TRIO: variants seen among roughly 807,000 people sequenced by gnomAD.
The protein encoded by TRIO is trio Rho guanine nucleotide exchange factor, also known as triple functional domain protein.
Under a neutral mutation model 351.9 loss-of-function variants are expected in TRIO, and 58 were observed. The observed-to-expected ratio is 0.16, with a 90% CI of 0.13 to 0.21. The LOEUF (loss-of-function observed/expected upper bound fraction) is 0.21. Among genes scored for constraint, TRIO ranks in the 10% least tolerant of loss-of-function variants. TRIO has a pLI of 1.00. For missense variants in TRIO, 3,201 were observed against 4,027.8 expected (o/e 0.79, Z 5.56); for synonymous variants, 1,758 against 1,595.7 (o/e 1.10, Z -2.42).
At chr5:14,380,292 TCCTCCTTCGCGCCCCGCCTCCTCCTTC>T (rs1745965006) in intron 20 of TRIO, among the ~76,000 whole-genome samples, 1 of 114,766 alleles carries the variant, frequency 8.7e-6, no homozygotes, top group African/African-American at 5.6e-5. Flanking sequence ...GCGCCCCGCC[TCCTCCTTCGCGCCCCGCCTCCTCCTTC>T]GCGCCCCGCC....
At chr5:14,177,194 GATT>G (rs1025478483) in intron 1 of TRIO, among the ~76,000 whole-genome samples, 23 of 152,246 alleles carry the variant, frequency 1.5e-4, no homozygotes, top group African/African-American at 5.5e-4. Context: ...GTTGAAAACA[GATT>G]ATTATTTATG....
At chr5:14,409,073 T>C (rs1441610483) in intron 33 of TRIO, among the ~76,000 whole-genome samples, 1 of 152,028 alleles carries the variant, frequency 6.6e-6, no homozygotes, top group Non-Finnish European at 1.5e-5. Flanking sequence ...TCCAGTTCAT[T>C]ATTCCGGACA....
At chr5:14,284,995 CA>C (rs1736317609) in intron 3 of TRIO, among the ~76,000 whole-genome samples, 1 of 152,132 alleles carries the variant, frequency 6.6e-6, no homozygotes, top group African/African-American at 2.4e-5. Context: ...CGAGGGATTG[CA>C]AACCCCATTA....
intron 1 of TRIO, among the ~76,000 whole-genome samples, chr5:14,177,642 C>G (rs1052323700): frequency 1.3e-5 from 2 of 152,170 alleles, no homozygotes; most frequent in Non-Finnish European, 2.9e-5. Context: ...GGCTTCCATC[C>G]CTCGCTGGGT....
In TRIO at chr5:14,270,838, CGAT is replaced by C; in HGVS notation, c.174_176del (p.Asp58del). 1 of 1,613,608 alleles carries C rather than the reference CGAT, an allele frequency of 6.2e-7. No homozygotes were observed. Among genetic ancestry groups the C allele is most frequent in the Non-Finnish European group, 8.5e-7 (1 of 1,179,724 alleles). ...TCTGTATTTCAGGGTTTCGAAAAAACGATGAAATGAAAGCTATGGATGTTTTAC... is the reference window on the plus strand; with the variant it reads ...TCTGTATTTCAGGGTTTCGAAAAAACGAAATGAAAGCTATGGATGTTTTAC... On this transcript the variant is annotated inframe_deletion, in exon 2 of 57. Transcript: ENST00000344204.
chr5:14,306,199 G>A (rs1489068348), intron 8 of TRIO, among the ~76,000 whole-genome samples: 2 of 147,326 alleles, frequency 1.4e-5, no homozygotes, highest in Non-Finnish European at 3.1e-5. Flanking sequence ...AGCCACCTTT[G>A]CCTAATAAGA....
intron 1 of TRIO, among the ~76,000 whole-genome samples, chr5:14,258,887 G>A (rs975657536): frequency 6.6e-6 from 1 of 152,224 alleles, no homozygotes; most frequent in African/African-American, 2.4e-5. Context: ...TCAAGACAGT[G>A]GAAGCAGATG....
intron 26 of TRIO, 44 bp downstream of exon 26, chr5:14,390,344 A>T (rs1746957710): frequency 6.3e-7 from 1 of 1,585,180 alleles, no homozygotes; most frequent in Admixed American, 1.7e-5. Flanking sequence ...CTATTAGGTG[A>T]CGTTGAAGGA....
At chr5:14,312,148 C>T (rs1488093430) in intron 8 of TRIO, among the ~76,000 whole-genome samples, 1 of 152,136 alleles carries the variant, frequency 6.6e-6, no homozygotes, top group Non-Finnish European at 1.5e-5. Context: ...ACGTAGAGAT[C>T]CCAGTACCAG....
At chr5:14,500,725 A>G (rs1366120431) in intron 53 of TRIO, among the ~76,000 whole-genome samples, 1 of 152,012 alleles carries the variant, frequency 6.6e-6, no homozygotes, top group Non-Finnish European at 1.5e-5. Context: ...CCATCTCTAC[A>G]AAAATACAAA....
At chr5:14,349,643 C>A (rs1202198462) in intron 11 of TRIO, among the ~76,000 whole-genome samples, 1 of 152,232 alleles carries the variant, frequency 6.6e-6, no homozygotes, top group African/African-American at 2.4e-5. Flanking sequence ...TGTTTTCTAT[C>A]TTTTGCTTTC....
chr5:14,491,283 G>A (rs189172536), intron 48 of TRIO, among the ~76,000 whole-genome samples: 3 of 152,302 alleles, frequency 2.0e-5, no homozygotes, highest in Non-Finnish European at 4.4e-5. Flanking sequence ...GCTGAGAGGC[G>A]GTAGAGCAGG....
At chr5:14,489,857 A>G (rs190687894) in intron 48 of TRIO, among the ~76,000 whole-genome samples, 1 of 152,234 alleles carries the variant, frequency 6.6e-6, no homozygotes, top group African/African-American at 2.4e-5. Context: ...TTCTCTTCCT[A>G]CTTGTTCTCA....
intron 1 of TRIO, among the ~76,000 whole-genome samples, chr5:14,203,613 C>T (rs1371444086): frequency 1.3e-5 from 2 of 152,170 alleles, no homozygotes; most frequent in Non-Finnish European, 2.9e-5. Context: ...TTCTAAGAAA[C>T]AGTCTTTTAA....
At chr5:14,306,234 G>A (rs975823953) in intron 8 of TRIO, among the ~76,000 whole-genome samples, 4 of 150,950 alleles carry the variant, frequency 2.6e-5, no homozygotes, top group Non-Finnish European at 5.9e-5. Context: ...GTAACATTTC[G>A]TGTTGGCTAT....
Position 14,487,785 on chromosome 5 carries a change from GC to G in TRIO, c.7161del (p.Ser2388AlafsTer25). The stretch of plus-strand genomic sequence containing the variant: ...CCCCCTGGCGCGGCCCCCGAGGCCG[GC>G]CCCAGCGCGCCCAGCAGGCGGCCCC... Reference protein sequence around the residue: ...LPPPGAAPEAGPSAPSRRPPG... With the variant: ...LPPPGAAPEAXPSAPSRRPPG... On this transcript the variant is annotated frameshift_variant, in exon 48 of 57. Transcript: ENST00000344204. LOFTEE classifies it high-confidence loss of function. 3 of 1,376,002 alleles carry G rather than the reference GC, an allele frequency of 2.2e-6. No individual in the cohort carries two copies. Among genetic ancestry groups the G allele is most frequent in the Non-Finnish European group, 9.4e-7 (1 of 1,063,386 alleles). The allele number at this position is 1,376,002 out of a possible 1,614,324, so 85.2% of individuals were successfully genotyped here. A position where few individuals can be genotyped will look rare whatever the true frequency, so the allele number is the denominator to read the frequency against.
chr5:14,254,147 C>T lies in TRIO; in HGVS notation c.158-16678C>T, dbSNP rs914311192. 9.9e-5 allele frequency among the ~76,000 whole-genome samples: 15 copies of T among 152,108 alleles called. No individual in the cohort carries two copies. The South Asian group carries it at 1.0e-3, about 11-fold the overall frequency. Reference sequence around the variant, plus strand: ...TAAAGTAAGTAATAAATAGAACCCACGTAATGCAGAAGCTCCTTGGAGTCC... The same window carrying T: ...TAAAGTAAGTAATAAATAGAACCCATGTAATGCAGAAGCTCCTTGGAGTCC... On this transcript the variant is annotated intron_variant, in intron 1 of 56. Coordinates refer to ENST00000344204, the MANE Select transcript of TRIO (RefSeq NM_007118.4).
intron 1 of TRIO, among the ~76,000 whole-genome samples, chr5:14,230,727 G>A (rs1193424622): frequency 2.6e-5 from 4 of 151,856 alleles, no homozygotes; most frequent in Non-Finnish European, 5.9e-5. Context: ...CATTCTCTAG[G>A]GTAAATTTTC....
At chr5:14,211,138 A>G (rs1448062162) in intron 1 of TRIO, among the ~76,000 whole-genome samples, 1 of 152,188 alleles carries the variant, frequency 6.6e-6, no homozygotes, top group Admixed American at 6.5e-5. Flanking sequence ...CTGACTTTCC[A>G]ATTAGAACAG....
Sources: gnomAD v4.1 joint callset for allele counts (sites outside exome capture counted in the v4.1 genomes callset) on GRCh38, gnomAD v4.1.1 for gene constraint, MANE v1.5 for transcripts, NCBI Gene and HGNC (gene_info 2026-07-23, HGNC 2026-07-21) for gene names.